PRSS23: variants seen among roughly 807,000 people sequenced by gnomAD.
The protein encoded by PRSS23 is protease, serine 23.
A neutral mutation model predicts 34.7 loss-of-function variants in PRSS23; 25 were observed. The observed-to-expected ratio is 0.72, with a 90% CI of 0.53 to 1.01. PRSS23 has a LOEUF of 1.01. Ranked by LOEUF, PRSS23 falls within the 50% of genes least tolerant of loss-of-function variation. The pLI, the probability that PRSS23 is intolerant of heterozygous loss-of-function variation, is 0.00. For synonymous variants in PRSS23, 176 were observed against 186.6 expected (o/e 0.94, Z 0.46); for missense variants, 445 against 475.6 (o/e 0.94, Z 0.60).
At chr11:86,842,395 C>T (rs1270634062) in intron 2 of PRSS23, among the ~76,000 whole-genome samples, 1 of 152,218 alleles carries the variant, frequency 6.6e-6, no homozygotes, top group Non-Finnish European at 1.5e-5. Context: ...GCCTCTCTCA[C>T]CACTCCAATT....
At chr11:86,918,494 T>C (rs1223071447) in intron 2 of PRSS23, among the ~76,000 whole-genome samples, 6 of 152,268 alleles carry the variant, frequency 3.9e-5, no homozygotes, top group Admixed American at 3.9e-4. Flanking sequence ...ATATCCTATT[T>C]TTAAATTGCC....
intron 2 of PRSS23, chr11:86,837,742 G>A (rs1252714242): frequency 6.6e-6 from 1 of 152,252 alleles, no homozygotes; most frequent in Admixed American, 6.5e-5. Flanking sequence ...ACTTCAGTCT[G>A]GGTGACAGAG....
Position 86,871,385 on chromosome 11 carries a change from C to T in PRSS23, c.206+47792C>T, listed in dbSNP as rs187866695. Among the ~76,000 whole-genome samples, 120 of 152,064 alleles carry T rather than the reference C, an allele frequency of 7.9e-4. 3 individuals carry two copies. The highest frequency in any genetic ancestry group is 2.6e-3 in the African/African-American group (108 of 41,470). On this transcript the variant is annotated intron_variant, in intron 2 of 2. Coordinates refer to the PRSS23 transcript ENST00000533902. ...TGTTCAGTTCTCAGCTCACCAGGAA[C>T]TCTTCTCTTTTAGGCCTTGTGTAGT...
At chr11:86,951,955 A>C (rs1465609375) in exon 3 of PRSS23, 4 of 1,613,632 alleles carry the variant, frequency 2.5e-6, no homozygotes, top group African/African-American at 2.7e-5. Flanking sequence ...CAATATAAGC[A>C]ATGCTATAAA....
At chr11:86,831,081 C>T (rs141852654) in intron 2 of PRSS23, among the ~76,000 whole-genome samples, 1 of 151,986 alleles carries the variant, frequency 6.6e-6, no homozygotes, top group South Asian at 2.1e-4. Context: ...TAATACTATT[C>T]GTAATATCCT....
At chr11:86,794,369 A>C (rs1413072602) in intron 1 of PRSS23, among the ~76,000 whole-genome samples, 1 of 152,210 alleles carries the variant, frequency 6.6e-6, no homozygotes, top group Non-Finnish European at 1.5e-5. Flanking sequence ...ACACATAGTT[A>C]TTCCAAAATG....
At chr11:86,845,726 A>G (rs980681267) in intron 2 of PRSS23, among the ~76,000 whole-genome samples, 5 of 151,960 alleles carry the variant, frequency 3.3e-5, no homozygotes, top group Admixed American at 1.3e-4. Context: ...AGCTATAAAC[A>G]GCAAAAAAAT....
chr11:86,865,180 A>T (rs1285777166), intron 2 of PRSS23, among the ~76,000 whole-genome samples: 1 of 152,192 alleles, frequency 6.6e-6, no homozygotes, highest in Admixed American at 6.5e-5. Context: ...CTTCTGCTCT[A>T]TGGAAGCATC....
intron 2 of PRSS23, among the ~76,000 whole-genome samples, chr11:86,883,926 A>G (rs2134964101): frequency 6.6e-6 from 1 of 151,078 alleles, no homozygotes; most frequent in South Asian, 2.1e-4. Context: ...TTAGCAGCCC[A>G]AAATCGAACT....
upstream of PRSS23, among the ~76,000 whole-genome samples, chr11:86,796,408 G>A (rs1047586644): frequency 7.2e-5 from 11 of 152,092 alleles, no homozygotes; most frequent in East Asian, 7.7e-4. Context: ...TTGGGAGGCC[G>A]AGGCGGGCGG....
rs113879979 is a variant in PRSS23 at position 86,822,675 on chromosome 11, G to A, written c.-11-702G>A. Among the ~76,000 whole-genome samples, 939 of 151,866 alleles carry A rather than the reference G, an allele frequency of 6.2e-3. 13 individuals carry two copies. The highest frequency in any genetic ancestry group is 0.021 in the African/African-American group (881 of 41,378). Reference sequence around the variant, plus strand: ...AGGACCAGTGGATGATCTTTCAAGGGTGGTGGTTTTCATAATGAAAGGAAA... The same window carrying A: ...AGGACCAGTGGATGATCTTTCAAGGATGGTGGTTTTCATAATGAAAGGAAA... On this transcript the variant is annotated intron_variant, in intron 1 of 2. Transcript: ENST00000533902.
intron 2 of PRSS23, among the ~76,000 whole-genome samples, chr11:86,901,926 G>A (rs926451904): frequency 6.6e-6 from 1 of 152,098 alleles, no homozygotes; most frequent in African/African-American, 2.4e-5. Flanking sequence ...GTACTTCTGG[G>A]GGAAAATAGA....
intron 2 of PRSS23, among the ~76,000 whole-genome samples, chr11:86,931,806 G>A (rs895525417): frequency 2.0e-5 from 3 of 149,184 alleles, no homozygotes; most frequent in Non-Finnish European, 3.0e-5. Context: ...CGTTCTCAGC[G>A]TGCTTTTTAT....
chr11:86,884,245 C>A (rs1001318056), intron 2 of PRSS23, among the ~76,000 whole-genome samples: 1 of 152,118 alleles, frequency 6.6e-6, no homozygotes, highest in Non-Finnish European at 1.5e-5. Context: ...AGTTTTTGAC[C>A]CTTCCAATTC....
intron 2 of PRSS23, chr11:86,947,223 AAAC>A: frequency 5.8e-6 from 1 of 173,434 alleles, no homozygotes; most frequent in South Asian, 1.3e-4. Context: ...ACAAACAAAC[AAAC>A]AAACAAACAA....
chr11:86,839,801 A>G (rs553252973), intron 2 of PRSS23, among the ~76,000 whole-genome samples: 1 of 151,250 alleles, frequency 6.6e-6, no homozygotes, highest in African/African-American at 2.4e-5. Context: ...AATATTCAGC[A>G]TTCCTAAAGG....
intron 2 of PRSS23, among the ~76,000 whole-genome samples, chr11:86,864,014 G>A (rs1476349413): frequency 6.6e-6 from 1 of 152,112 alleles, no homozygotes; most frequent in African/African-American, 2.4e-5. Context: ...AATAATCACG[G>A]TCATTTATTT....
At chr11:86,912,223 T>C (rs900838832) in intron 2 of PRSS23, 26 of 152,248 alleles carry the variant, frequency 1.7e-4, no homozygotes, top group African/African-American at 4.8e-5. Context: ...TTGTCATTGT[T>C]GTTACTGTTG....
chr11:86,827,983 G>A (rs1948317109), intron 2 of PRSS23, among the ~76,000 whole-genome samples: 1 of 152,168 alleles, frequency 6.6e-6, no homozygotes, highest in Non-Finnish European at 1.5e-5. Context: ...GATTTGGGGT[G>A]GAGAGTTCTG....
Sources: allele counts gnomAD v4.1 joint callset (sites outside exome capture counted in the v4.1 genomes callset), GRCh38; gene constraint gnomAD v4.1.1; transcripts MANE v1.5; gene names NCBI Gene and HGNC (gene_info 2026-07-23, HGNC 2026-07-21).